Variants in PCDH19 observed in about 807,000 individuals in gnomAD.
PCDH19 encodes protocadherin-19.
PCDH19 carries 6 observed loss-of-function variants against 46.2 expected under a neutral mutation model. The observed-to-expected ratio is 0.13, with a 90% CI of 0.07 to 0.26. The LOEUF (loss-of-function observed/expected upper bound fraction) is 0.26, where lower values mean the gene tolerates loss of function less well. Among genes scored for constraint, PCDH19 ranks in the 10% least tolerant of loss-of-function variants. The probability of loss-of-function intolerance (pLI) is 1.00; values close to 1 mark genes in which losing one functional copy is unlikely to be tolerated. For missense variants in PCDH19, 740 were observed against 972.3 expected (o/e 0.76, Z 3.18); for synonymous variants, 481 against 415.7 (o/e 1.16, Z -1.91).
chrX:100,354,482 G>T (rs181059142), intron 3 of PCDH19, among the ~76,000 whole-genome samples: 148 of 111,646 alleles, frequency 1.3e-3, no homozygotes, highest in African/African-American at 4.7e-3. Flanking sequence ...AAGCTTTCCA[G>T]GAAATTTTAG....
At chrX:100,306,162 T>C (rs180885538) in intron 5 of PCDH19, among the ~76,000 whole-genome samples, 53 of 111,920 alleles carry the variant, frequency 4.7e-4, no homozygotes, top group Non-Finnish European at 7.9e-4. Flanking sequence ...GACCATATGA[T>C]AGGCCACAAA....
At chrX:100,335,806 T>C (rs1333715224) in intron 5 of PCDH19, among the ~76,000 whole-genome samples, 4 of 111,625 alleles carry the variant, frequency 3.6e-5, no homozygotes, top group South Asian at 3.8e-4. Flanking sequence ...TATATATCTG[T>C]TCATGGTTTA....
rs936659520 is a variant in PCDH19, at chrX:100,409,851, C to T, written c.-1254G>A. The T allele has an allele frequency of 3.4e-6, 1 of 290,042 alleles. No homozygotes were observed. The highest frequency in any genetic ancestry group is 5.6e-5 in the East Asian group (1 of 17,869). The allele number at this position is 290,042 out of a possible 1,213,427, so 23.9% of individuals were successfully genotyped here. A position where few individuals can be genotyped will look rare whatever the true frequency, so the allele number is the denominator to read the frequency against. On this transcript the variant is annotated 5_prime_UTR_variant, in exon 1 of 6. An upstream start codon of the reference 5' UTR is lost. Transcript: ENST00000373034. ...TTTACTTGCAGGAGCGTCTTGATTTCATCTTCCCGGAGAGGCGCTGGCCGC... is the reference window on the plus strand; with the variant it reads ...TTTACTTGCAGGAGCGTCTTGATTTTATCTTCCCGGAGAGGCGCTGGCCGC...
intron 5 of PCDH19, among the ~76,000 whole-genome samples, chrX:100,324,035 A>G (rs929109074): frequency 8.9e-6 from 1 of 112,094 alleles, no homozygotes; most frequent in African/African-American, 3.2e-5. Flanking sequence ...TACAGTGTTA[A>G]GAGTTTAAGA....
Position 100,409,740 on chromosome X carries a change from C to A in PCDH19, c.-1143G>T. On this transcript the variant is annotated 5_prime_UTR_variant, in exon 1 of 6. Coordinates refer to ENST00000373034, the MANE Select transcript of PCDH19 (RefSeq NM_001184880.2). ...GCCGCCGCCGCCGCCGCCGCCGCCG[C>A]GGGAGGAAGCCCTCCTAGCTCAGTT... The A allele has an allele frequency of 3.7e-6, 1 of 272,400 alleles. No homozygotes were observed. The allele number at this position is 272,400 out of a possible 1,213,427, so 22.4% of individuals were successfully genotyped here. A position where few individuals can be genotyped will look rare whatever the true frequency, so the allele number is the denominator to read the frequency against.
At chrX:100,405,866 T>C (rs1928330965) in intron 1 of PCDH19, among the ~76,000 whole-genome samples, 1 of 111,416 alleles carries the variant, frequency 9.0e-6, no homozygotes, top group African/African-American at 3.3e-5. Context: ...GGGGACTAGA[T>C]AAAAAACAAG....
intron 5 of PCDH19, among the ~76,000 whole-genome samples, chrX:100,313,211 T>C (rs913822754): frequency 1.7e-4 from 19 of 111,985 alleles, no homozygotes; most frequent in African/African-American, 6.2e-4. Context: ...CCAATTTTAT[T>C]GTGTTTTCTA....
intron 5 of PCDH19, among the ~76,000 whole-genome samples, chrX:100,299,175 A>T (rs1021033457): frequency 1.9e-4 from 21 of 111,567 alleles, no homozygotes; most frequent in African/African-American, 6.8e-4. Context: ...CCTGAAAGGC[A>T]TAAAAGCATA....
intron 3 of PCDH19, among the ~76,000 whole-genome samples, chrX:100,381,062 ATCT>A (rs1927539854): frequency 8.9e-6 from 1 of 112,190 alleles, no homozygotes. Flanking sequence ...GTTCTAAGCA[ATCT>A]TCTTTTTTTG....
chrX:100,304,247 T>C (rs1924872268), intron 5 of PCDH19, among the ~76,000 whole-genome samples: 1 of 111,540 alleles, frequency 9.0e-6, no homozygotes, highest in African/African-American at 3.3e-5. Flanking sequence ...GTCACAGGAC[T>C]CTTTGCAGAC....
chrX:100,402,924 AC>A, intron 2 of PCDH19, 73 bp from the exon 3 acceptor site: 1 of 835,458 alleles, frequency 1.2e-6, no homozygotes, highest in Non-Finnish European at 1.8e-6. Flanking sequence ...AACATTAAGC[AC>A]CCCAGAGGGT....
intron 5 of PCDH19, among the ~76,000 whole-genome samples, chrX:100,337,427 T>G (rs1281894214): frequency 2.7e-5 from 3 of 112,105 alleles, no homozygotes; most frequent in Non-Finnish European, 5.6e-5. Context: ...GATAAAGAAT[T>G]CTCTATCATC....
intron 3 of PCDH19, among the ~76,000 whole-genome samples, chrX:100,363,371 A>G (rs966464943): frequency 1.9e-5 from 2 of 107,772 alleles, no homozygotes; most frequent in African/African-American, 6.7e-5. Flanking sequence ...TTTTTTTAGG[A>G]CCAAATGTGC....
chrX:100,353,636 T>G (rs1350191550), intron 3 of PCDH19, among the ~76,000 whole-genome samples: 1 of 111,953 alleles, frequency 8.9e-6, no homozygotes. Flanking sequence ...CCTTAACAAT[T>G]CTTCCCCCAA....
intron 5 of PCDH19, among the ~76,000 whole-genome samples, chrX:100,322,865 A>ATATATATATATT: frequency 5.5e-5 from 3 of 54,414 alleles, no homozygotes; most frequent in African/African-American, 1.7e-4. Flanking sequence ...ATATATATAT[A>ATATATATATATT]TTTTTGCAGC....
intron 5 of PCDH19, among the ~76,000 whole-genome samples, chrX:100,333,158 GAA>G (rs1308507207): frequency 0.043 from 2,080 of 48,024 alleles, 51 homozygotes; most frequent in Non-Finnish European, 0.067. Context: ...AGGAAGGAAG[GAA>G]GGAAGGAAGG....
intron 5 of PCDH19, among the ~76,000 whole-genome samples, chrX:100,312,992 A>T (rs1406670188): frequency 9.0e-6 from 1 of 110,709 alleles, no homozygotes; most frequent in Non-Finnish European, 1.9e-5. Flanking sequence ...CATGGCCACA[A>T]AATCACACAC....
intron 5 of PCDH19, among the ~76,000 whole-genome samples, chrX:100,305,692 A>G (rs1478544033): frequency 1.8e-5 from 2 of 111,813 alleles, no homozygotes; most frequent in Non-Finnish European, 3.8e-5. Flanking sequence ...ACACATAGGA[A>G]CTCACATAAA....
chrX:100,402,704 G>A lies in PCDH19; in HGVS notation c.2436C>T (p.Asn812=). The A allele has an allele frequency of 1.7e-6, 2 of 1,211,801 alleles. No individual in the cohort carries two copies. Among genetic ancestry groups the A allele is most frequent in the Non-Finnish European group, 1.1e-6 (1 of 895,358 alleles). Residue 812 remains asparagine (N), a synonymous_variant, in exon 3 of 6, where the codon AAC becomes AAT. Coordinates refer to ENST00000373034, the MANE Select transcript of PCDH19 (RefSeq NM_001184880.2). ...VSCSSLTSSL[N]YFDYHQQTLP... is the part of the protein sequence containing the mutation. ...GCGTCTGCTGGTGGTAGTCAAAATA[G>A]TTGAGGGAGGAGGTCAGGGAAGAGC...
Sources: allele counts gnomAD v4.1 joint callset (sites outside exome capture counted in the v4.1 genomes callset), GRCh38; gene constraint gnomAD v4.1.1; transcripts MANE v1.5; gene names NCBI Gene and HGNC (gene_info 2026-07-23, HGNC 2026-07-21).